Variants in ANXA10 observed in about 807,000 individuals in gnomAD.
ANXA10 encodes annexin 14.
ANXA10 carries 49 observed loss-of-function variants against 53.5 expected under a neutral mutation model. The ratio of observed to expected loss-of-function variants is 0.92; its 90% CI spans 0.73 to 1.16. The LOEUF is 1.16. Among genes scored for constraint, ANXA10 ranks in the 50% most tolerant of loss-of-function variants. The pLI is 0.00. For synonymous variants in ANXA10, 131 were observed against 128.9 expected (o/e 1.02, Z -0.11); for missense variants, 393 against 394.4 (o/e 1.00, Z 0.03).
chr4:168,115,713 A>T (rs1175605459), intron 1 of ANXA10, among the ~76,000 whole-genome samples: 2 of 152,238 alleles, frequency 1.3e-5, no homozygotes, highest in Non-Finnish European at 2.9e-5. Flanking sequence ...TGGAAAGGGC[A>T]CTAACCGTGA....
chr4:168,126,738 T>A (rs1438290789), intron 1 of ANXA10, among the ~76,000 whole-genome samples: 1 of 152,140 alleles, frequency 6.6e-6, no homozygotes, highest in Non-Finnish European at 1.5e-5. Flanking sequence ...ATTGAAAGAA[T>A]CTGCATAATT....
chr4:168,141,232 C>T (rs558104837), intron 3 of ANXA10, among the ~76,000 whole-genome samples: 1 of 152,270 alleles, frequency 6.6e-6, no homozygotes, highest in East Asian at 1.9e-4. Context: ...ATTGCACTGC[C>T]TGGAAAACTG....
At chr4:168,173,720 T>A (rs925058552) in intron 6 of ANXA10, among the ~76,000 whole-genome samples, 1 of 152,136 alleles carries the variant, frequency 6.6e-6, no homozygotes, top group African/African-American at 2.4e-5. Flanking sequence ...TGAAAACCCA[T>A]CTACAAGTCT....
At chr4:168,153,422 C>CAAAAAAAAAAAAAAAAAAAAAAA (rs61179704) in intron 3 of ANXA10, among the ~76,000 whole-genome samples, 3 of 43,522 alleles carry the variant, frequency 6.9e-5, no homozygotes, top group Admixed American at 2.0e-4. Flanking sequence ...AAGCCTAAAG[C>CAAAAAAAAAAAAAAAAAAAAAAA]AAAAAAAAAA....
chr4:168,157,895 A>C (rs2149476456), intron 3 of ANXA10, among the ~76,000 whole-genome samples: 1 of 152,278 alleles, frequency 6.6e-6, no homozygotes, highest in Admixed American at 6.5e-5. Context: ...ATTATTATGA[A>C]TAAATGTGCT....
rs1732393302 is a variant in ANXA10 at position 168,187,450 on chromosome 4, G to C, written c.*16G>C. The C allele has an allele frequency of 1.3e-6, 2 of 1,558,600 alleles. No homozygotes were observed. The highest frequency in any genetic ancestry group is 1.7e-6 in the Non-Finnish European group (2 of 1,144,650). On this transcript the variant is annotated 3_prime_UTR_variant, in exon 12 of 12. Transcript: ENST00000359299. ...GGACTACTAAAATGAAGAGGACTTG[G>C]AGTACTGTGCACTCCTCTTTCTAGA...
chr4:168,129,475 G>T (rs910267258), intron 2 of ANXA10, among the ~76,000 whole-genome samples: 1 of 152,056 alleles, frequency 6.6e-6, no homozygotes, highest in African/African-American at 2.4e-5. Flanking sequence ...TCAGAATAAG[G>T]ATTCATTTTG....
At chr4:168,184,816 T>G (rs1243057968) in intron 11 of ANXA10, 135 bp downstream of exon 11, 20 of 1,177,394 alleles carry the variant, frequency 1.7e-5, no homozygotes, top group African/African-American at 3.1e-5. Flanking sequence ...CTAGTTTTTT[T>G]CCTCTACACA....
At chr4:168,154,762 T>C (rs117286066) in intron 3 of ANXA10, among the ~76,000 whole-genome samples, 3,298 of 152,272 alleles carry the variant, frequency 0.022, 200 homozygotes, top group East Asian at 0.14. Context: ...TGGTGCTAGC[T>C]ATGTCACCTT....
intron 6 of ANXA10, among the ~76,000 whole-genome samples, chr4:168,169,874 T>G (rs1731950812): frequency 6.6e-6 from 1 of 152,166 alleles, no homozygotes; most frequent in South Asian, 2.1e-4. Context: ...CTAAAATAAC[T>G]GACATCTAAG....
chr4:168,140,880 A>G (rs1241535082), intron 3 of ANXA10, among the ~76,000 whole-genome samples: 3 of 152,200 alleles, frequency 2.0e-5, no homozygotes, highest in Non-Finnish European at 4.4e-5. Context: ...TCGGCCTCCC[A>G]AAGTGTTGGG....
intron 1 of ANXA10, among the ~76,000 whole-genome samples, chr4:168,124,590 C>G (rs1348326223): frequency 6.6e-6 from 1 of 152,066 alleles, no homozygotes; most frequent in African/African-American, 2.4e-5. Context: ...TTTTTCTATC[C>G]TATGTGATTC....
chr4:168,107,991 A>T (rs1430077988), intron 1 of ANXA10, among the ~76,000 whole-genome samples: 1 of 152,186 alleles, frequency 6.6e-6, no homozygotes, highest in East Asian at 1.9e-4. Context: ...AATTTATAGA[A>T]ATTTAAAATG....
chr4:168,155,195 A>G (rs1731584899), intron 3 of ANXA10, among the ~76,000 whole-genome samples: 1 of 150,520 alleles, frequency 6.6e-6, no homozygotes, highest in Non-Finnish European at 1.5e-5. Flanking sequence ...CCTCACAACT[A>G]CGCTTTCCAC....
intron 6 of ANXA10, among the ~76,000 whole-genome samples, chr4:168,168,428 T>C (rs1731920656): frequency 6.6e-6 from 1 of 152,164 alleles, no homozygotes; most frequent in South Asian, 2.1e-4. Context: ...CTTCTTCTTC[T>C]TCTTTTTTTT....
chr4:168,117,935 A>ACTCACTCC (rs1210476558), intron 1 of ANXA10, among the ~76,000 whole-genome samples: 1,601 of 146,464 alleles, frequency 0.011, 26 homozygotes, highest in African/African-American at 0.04. Flanking sequence ...TCACTCACTC[A>ACTCACTCC]CTCCCTCCCT....
At chr4:168,133,439 CTA>C (rs1309039142) in intron 2 of ANXA10, among the ~76,000 whole-genome samples, 1 of 151,944 alleles carries the variant, frequency 6.6e-6, no homozygotes, top group Non-Finnish European at 1.5e-5. Context: ...GTTCTTGAGA[CTA>C]TAACTGATAA....
At chr4:168,153,032 C>T (rs1363658150) in intron 3 of ANXA10, among the ~76,000 whole-genome samples, 3 of 151,814 alleles carry the variant, frequency 2.0e-5, no homozygotes, top group African/African-American at 4.8e-5. Flanking sequence ...TTTGTGGAGA[C>T]GGGGCTTCGC....
chr4:168,153,463 A>AC lies in ANXA10; in HGVS notation c.196-9065_196-9064insC, dbSNP rs1398542691. 3.1e-4 allele frequency among the ~76,000 whole-genome samples: 33 copies of AC among 108,082 alleles called. 2 individuals carry two copies. Among genetic ancestry groups the AC allele is most frequent in the African/African-American group, 1.1e-3 (31 of 28,476 alleles). The allele number at this position is 108,082 out of a possible 152,430, so 70.9% of individuals were successfully genotyped here. A position where few individuals can be genotyped will look rare whatever the true frequency, so the allele number is the denominator to read the frequency against. ...AAAACAAAAACAAAAACAAAACAAA[A>AC]AAAAAAACCAATAACAACAACAAAA... On this transcript the variant is annotated intron_variant, in intron 3 of 11. Coordinates refer to ENST00000359299, the MANE Select transcript of ANXA10 (RefSeq NM_007193.5).
Sources: gnomAD v4.1 joint callset for allele counts (sites outside exome capture counted in the v4.1 genomes callset) on GRCh38, gnomAD v4.1.1 for gene constraint, MANE v1.5 for transcripts, NCBI Gene and HGNC (gene_info 2026-07-23, HGNC 2026-07-21) for gene names.